Variants in VTI1A observed in about 807,000 individuals in gnomAD.
The protein encoded by VTI1A is vesicle transport through interaction with t-SNAREs 1A, also known as vesicle transport through interaction with t-SNAREs homolog 1A.
In VTI1A, 22 loss-of-function variants were observed where a neutral mutation model predicts 34.9. The ratio of observed to expected loss-of-function variants is 0.63; its 90% CI spans 0.45 to 0.90. VTI1A has a LOEUF of 0.90. VTI1A is among the 40% of genes least tolerant of loss of function. VTI1A has a pLI of 0.00. For synonymous variants in VTI1A, 87 were observed against 97.3 expected (o/e 0.89, Z 0.62); for missense variants, 268 against 275.6 (o/e 0.97, Z 0.20).
chr10:112,639,540 C>A (rs1261065682), intron 5 of VTI1A, among the ~76,000 whole-genome samples: 2 of 152,100 alleles, frequency 1.3e-5, no homozygotes, highest in African/African-American at 4.8e-5. Flanking sequence ...ATTCAGCAAT[C>A]ATACATATGC....
rs1483154948 is a variant in VTI1A at position 112,599,189 on chromosome 10, ACAAGAAGCAGCTTGCAGAGT to A, written c.427+60860_427+60879del. On this transcript the variant is annotated intron_variant, in intron 5 of 7. Transcript: ENST00000393077. ...GTTTGAAACCCTCAAAAGGCCCGAA[ACAAGAAGCAGCTTGCAGAGT>A]AGGATTGGGGGATCTGCAAGGCCAG... 2.2e-4 allele frequency among the ~76,000 whole-genome samples: 34 copies of A among 152,346 alleles called. 1 individual carries two copies. The highest frequency in any genetic ancestry group is 8.2e-4 in the African/African-American group (34 of 41,568).
At chr10:112,537,268 C>T (rs575696170) in intron 4 of VTI1A, among the ~76,000 whole-genome samples, 2 of 132,684 alleles carry the variant, frequency 1.5e-5, no homozygotes, top group East Asian at 4.3e-4. Flanking sequence ...CACACACGCA[C>T]ACACACACAG....
chr10:112,713,587 A>C (rs1849505110), intron 7 of VTI1A, among the ~76,000 whole-genome samples: 1 of 152,220 alleles, frequency 6.6e-6, no homozygotes, highest in Admixed American at 6.5e-5. Context: ...TATCAGCCTT[A>C]AGAGCACAGA....
chr10:112,557,603 AC>A (rs1851581839), intron 5 of VTI1A, among the ~76,000 whole-genome samples: 2 of 152,354 alleles, frequency 1.3e-5, no homozygotes, highest in Admixed American at 1.3e-4. Context: ...AAACAGCATT[AC>A]TGAATAATTT....
At chr10:112,597,367 G>A (rs1007542286) in intron 5 of VTI1A, among the ~76,000 whole-genome samples, 1 of 152,036 alleles carries the variant, frequency 6.6e-6, no homozygotes, top group Admixed American at 6.6e-5. Flanking sequence ...ACAGGCGTGC[G>A]TCACCACCCC....
intron 7 of VTI1A, among the ~76,000 whole-genome samples, chr10:112,709,053 A>C (rs973899009): frequency 3.9e-5 from 6 of 152,054 alleles, no homozygotes; most frequent in Non-Finnish European, 5.9e-5. Context: ...TTATCCCGGG[A>C]GGGGTACGTG....
At chr10:112,697,866 A>ATGTGTG (rs67142519) in intron 7 of VTI1A, among the ~76,000 whole-genome samples, 1,478 of 134,874 alleles carry the variant, frequency 0.011, 11 homozygotes, top group East Asian at 0.031. Flanking sequence ...TAGCATTTAC[A>ATGTGTG]TGTGTGTGTG....
chr10:112,729,884 C>G (rs1850186962), intron 7 of VTI1A, among the ~76,000 whole-genome samples: 1 of 152,190 alleles, frequency 6.6e-6, no homozygotes, highest in South Asian at 2.1e-4. Flanking sequence ...GTCTTGTGAT[C>G]AGGAGAGTTC....
At chr10:112,487,943 A>C (rs1454147968) in intron 3 of VTI1A, among the ~76,000 whole-genome samples, 1 of 152,140 alleles carries the variant, frequency 6.6e-6, no homozygotes, top group African/African-American at 2.4e-5. Flanking sequence ...TAATAGGTAC[A>C]TTTTCTGCCT....
chr10:112,572,124 T>C (rs1318951616), intron 5 of VTI1A, among the ~76,000 whole-genome samples: 1 of 152,234 alleles, frequency 6.6e-6, no homozygotes, highest in Non-Finnish European at 1.5e-5. Context: ...TGACCCCCGA[T>C]TCTAAAATTT....
At chr10:112,671,516 G>C (rs754280182) in intron 7 of VTI1A, among the ~76,000 whole-genome samples, 1 of 152,188 alleles carries the variant, frequency 6.6e-6, no homozygotes. Flanking sequence ...CCAAGGAGTT[G>C]CTTTATTTAA....
At chr10:112,585,624 A>G (rs1327871989) in intron 5 of VTI1A, among the ~76,000 whole-genome samples, 1 of 150,546 alleles carries the variant, frequency 6.6e-6, no homozygotes, top group Non-Finnish European at 1.5e-5. Flanking sequence ...TATTTCTGGC[A>G]TCAAGTGGTA....
chr10:112,838,199 C>T, the VTI1A span, among the ~76,000 whole-genome samples: 1 of 152,134 alleles, frequency 6.6e-6, no homozygotes, highest in South Asian at 2.1e-4. Context: ...CTCCCCACTG[C>T]TCTGTGTATT....
intron 5 of VTI1A, among the ~76,000 whole-genome samples, chr10:112,660,984 T>G (rs981909425): frequency 6.6e-6 from 1 of 152,176 alleles, no homozygotes; most frequent in Non-Finnish European, 1.5e-5. Flanking sequence ...TTTATTTACT[T>G]ATTTATTTAT....
chr10:112,497,223 C>G (rs1384374111), intron 3 of VTI1A, among the ~76,000 whole-genome samples: 1 of 151,926 alleles, frequency 6.6e-6, no homozygotes, highest in Admixed American at 6.6e-5. Flanking sequence ...GAGGCTGAGG[C>G]AGGCGAATCA....
chr10:112,573,750 G>T (rs891464768), intron 5 of VTI1A, among the ~76,000 whole-genome samples: 1 of 152,182 alleles, frequency 6.6e-6, no homozygotes, highest in Non-Finnish European at 1.5e-5. Context: ...GTAGACCCAA[G>T]ATCTAGTTGT....
intron 5 of VTI1A, among the ~76,000 whole-genome samples, chr10:112,584,294 G>T (rs1262932325): frequency 7.9e-5 from 12 of 152,144 alleles, no homozygotes; most frequent in Non-Finnish European, 2.9e-5. Context: ...ATAGATAACA[G>T]AAATTAACAG....
intron 7 of VTI1A, among the ~76,000 whole-genome samples, chr10:112,687,219 CTTTTTTTTTTTTTTTT>C (rs71303594): frequency 7.1e-5 from 6 of 84,566 alleles, no homozygotes; most frequent in Admixed American, 2.6e-4. Context: ...CATACTACAA[CTTTTTTTTTTTTTTTT>C]TTTTTTTTTT....
rs1010979237 is a variant in VTI1A at position 112,817,633 on chromosome 10, T to C, written c.*2250T>C. The C allele has an allele frequency of 1.3e-5, 3 of 228,624 alleles. No homozygotes were observed. The Admixed American group carries it at 1.7e-4, about 13-fold the overall frequency. The allele number at this position is 228,624 out of a possible 1,614,324, so 14.2% of individuals were successfully genotyped here. ...TGGTCAGAAGGTTCCCTCAACTCCTTCCTGGTCCTCCTGGACACTGCAGAA... is the reference window on the plus strand; with the variant it reads ...TGGTCAGAAGGTTCCCTCAACTCCTCCCTGGTCCTCCTGGACACTGCAGAA... On this transcript the variant is annotated 3_prime_UTR_variant, in exon 8 of 8. Coordinates refer to ENST00000393077, the MANE Select transcript of VTI1A (RefSeq NM_145206.4).
Sources: allele counts gnomAD v4.1 joint callset (sites outside exome capture counted in the v4.1 genomes callset), GRCh38; gene constraint gnomAD v4.1.1; transcripts MANE v1.5; gene names NCBI Gene and HGNC (gene_info 2026-07-23, HGNC 2026-07-21).